TENM4: variants seen among roughly 807,000 people sequenced by gnomAD.
TENM4 encodes teneurin-4.
TENM4 carries 82 observed loss-of-function variants against 243.3 expected under a neutral mutation model. The ratio of observed to expected loss-of-function variants is 0.34; its 90% CI spans 0.28 to 0.40. TENM4 has a LOEUF of 0.40. TENM4 is among the 10% of genes least tolerant of loss of function. The pLI, the probability that TENM4 is intolerant of heterozygous loss-of-function variation, is 1.00. For missense variants in TENM4, 3,138 were observed against 3,673.3 expected, an observed-to-expected ratio of 0.85 and a Z score of 3.77; for synonymous variants, 1,412 against 1,456.3, an observed-to-expected ratio of 0.97 and a Z score of 0.69.
intron 6 of TENM4, among the ~76,000 whole-genome samples, chr11:78,945,908 A>G (rs1726637706): frequency 6.6e-6 from 1 of 152,190 alleles, no homozygotes; most frequent in Admixed American, 6.5e-5. Context: ...GAAGCTGTCT[A>G]AGAAAAGTTT....
At chr11:79,439,111 T>G (rs1018365189) in intron 1 of TENM4, 1 of 151,326 alleles carries the variant, frequency 6.6e-6, no homozygotes, top group Non-Finnish European at 1.5e-5. Context: ...GCTCAGTACA[T>G]GGGCACCCTC....
intron 3 of TENM4, among the ~76,000 whole-genome samples, chr11:79,214,593 T>C (rs1037032777): frequency 6.6e-6 from 1 of 152,224 alleles, no homozygotes; most frequent in Non-Finnish European, 1.5e-5. Flanking sequence ...TCCTTTCCTA[T>C]AAAATAGAAA....
chr11:78,668,850 T>C (rs1199640690), intron 32 of TENM4, 87 bp downstream of exon 32: 3 of 1,479,800 alleles, frequency 2.0e-6, no homozygotes, highest in Non-Finnish European at 2.7e-6. Context: ...TGTCACCTTA[T>C]GCCAGCTTTC....
intron 3 of TENM4, among the ~76,000 whole-genome samples, chr11:79,192,466 C>G (rs968519980): frequency 1.3e-5 from 2 of 151,922 alleles, no homozygotes; most frequent in Non-Finnish European, 2.9e-5. Context: ...TGTGACCTTA[C>G]CCCCCAACCC....
At chr11:79,194,303 G>A (rs913999548) in intron 3 of TENM4, among the ~76,000 whole-genome samples, 2 of 151,602 alleles carry the variant, frequency 1.3e-5, no homozygotes, top group East Asian at 3.9e-4. Flanking sequence ...ATTAGTACAA[G>A]CAGAATAGGG....
intron 6 of TENM4, among the ~76,000 whole-genome samples, chr11:78,926,772 G>A (rs913101298): frequency 1.3e-5 from 2 of 151,298 alleles, no homozygotes; most frequent in Non-Finnish European, 2.9e-5. Flanking sequence ...AAACAGAGCT[G>A]CAGGGTGGTA....
rs533988302 is a variant in TENM4 at position 78,938,164 on chromosome 11, A to T, written c.494-34641T>A. ...AATAAAGTGTGAACTCTTTAGCCTG[A>T]TATTCAAGATTCTTCCTGCTGCAGC... On this transcript the variant is annotated intron_variant, in intron 6 of 33. Transcript: ENST00000278550. Among the ~76,000 whole-genome samples the T allele has an allele frequency of 3.9e-5, 6 of 152,330 alleles. No homozygotes were observed. The East Asian group carries it at 9.6e-4, about 24-fold the overall frequency.
At chr11:78,849,165 C>T (rs486884) in intron 12 of TENM4, among the ~76,000 whole-genome samples, 75,787 of 152,030 alleles carry the variant, frequency 0.5, 20,791 homozygotes, top group African/African-American at 0.71. Context: ...TAAGATGCTA[C>T]CTGAAGAATG....
chr11:79,342,298 G>C (rs569150539), intron 1 of TENM4, among the ~76,000 whole-genome samples: 9 of 152,286 alleles, frequency 5.9e-5, no homozygotes, highest in Admixed American at 3.9e-4. Flanking sequence ...TGCATGGACC[G>C]CGATGAGATG....
intron 1 of TENM4, among the ~76,000 whole-genome samples, chr11:79,355,786 CCAAAGT>C (rs1427487752): frequency 1.3e-5 from 2 of 152,168 alleles, no homozygotes; most frequent in Admixed American, 6.5e-5. Flanking sequence ...AGTACCTCAG[CCAAAGT>C]CATATAGCTA....
chr11:79,277,571 A>G (rs181535745), intron 2 of TENM4, among the ~76,000 whole-genome samples: 1 of 152,292 alleles, frequency 6.6e-6, no homozygotes, highest in East Asian at 1.9e-4. Context: ...CAACACTGGC[A>G]GAAAATCTTT....
At chr11:78,926,001 T>C (rs531255622) in intron 6 of TENM4, among the ~76,000 whole-genome samples, 2 of 151,988 alleles carry the variant, frequency 1.3e-5, no homozygotes, top group African/African-American at 4.8e-5. Flanking sequence ...CATAATTATA[T>C]AACCAATGAC....
chr11:79,355,183 C>T (rs11600145), intron 1 of TENM4, among the ~76,000 whole-genome samples: 40,712 of 152,106 alleles, frequency 0.27, 5,743 homozygotes, highest in Middle Eastern at 0.38. Flanking sequence ...AGTTTGAATC[C>T]TTCATTTGCA....
intron 17 of TENM4, among the ~76,000 whole-genome samples, chr11:78,774,336 C>T (rs1443730942): frequency 1.3e-5 from 2 of 152,176 alleles, no homozygotes; most frequent in East Asian, 3.9e-4. Flanking sequence ...AAGCTATGGT[C>T]CTTATAAATA....
At chr11:78,832,006 G>A (rs901215130) in intron 12 of TENM4, among the ~76,000 whole-genome samples, 7 of 152,202 alleles carry the variant, frequency 4.6e-5, no homozygotes, top group Admixed American at 3.9e-4. Context: ...CACAGTGCTG[G>A]TACATTGCAT....
intron 6 of TENM4, among the ~76,000 whole-genome samples, chr11:78,972,532 G>A (rs1441606166): frequency 6.6e-6 from 1 of 152,174 alleles, no homozygotes; most frequent in African/African-American, 2.4e-5. Flanking sequence ...TGCCTGGGAA[G>A]CTGGTCTCCT....
intron 20 of TENM4, among the ~76,000 whole-genome samples, chr11:78,736,848 T>C (rs183135931): frequency 5.3e-4 from 80 of 152,258 alleles, no homozygotes; most frequent in African/African-American, 1.9e-3. Flanking sequence ...GCAGCAATTC[T>C]GGCTACGTGA....
intron 6 of TENM4, among the ~76,000 whole-genome samples, chr11:78,969,837 C>T (rs1044362561): frequency 6.6e-6 from 1 of 152,058 alleles, no homozygotes; most frequent in African/African-American, 2.4e-5. Context: ...GTATGTAAAA[C>T]ACTTAGCCCA....
intron 7 of TENM4, among the ~76,000 whole-genome samples, chr11:78,891,569 C>T (rs1257756242): frequency 6.6e-6 from 1 of 152,186 alleles, no homozygotes; most frequent in Admixed American, 6.5e-5. Flanking sequence ...TTGTGTGCAT[C>T]AAATCACAGT....
Sources: gnomAD v4.1 joint callset for allele counts (sites outside exome capture counted in the v4.1 genomes callset) on GRCh38, gnomAD v4.1.1 for gene constraint, MANE v1.5 for transcripts, NCBI Gene and HGNC (gene_info 2026-07-23, HGNC 2026-07-21) for gene names.